The following SPRED2 variants were observed in gnomAD, a reference collection of about 807,000 sequenced individuals.
SPRED2 encodes the protein sprouty-related, EVH1 domain-containing protein 2.
A neutral mutation model predicts 43.0 loss-of-function variants in SPRED2; 47 were observed. The ratio of observed to expected loss-of-function variants is 1.09; its 90% CI spans 0.87 to 1.40. The LOEUF (loss-of-function observed/expected upper bound fraction) is 1.40, where lower values mean the gene tolerates loss of function less well. SPRED2 is among the 40% of genes most tolerant of loss of function. The pLI is 0.00. For missense variants in SPRED2, 561 were observed against 586.4 expected, an observed-to-expected ratio of 0.96 and a Z score of 0.45; for synonymous variants, 225 against 225.7, an observed-to-expected ratio of 1.00 and a Z score of 0.03.
At chr2:65,402,873 A>G (rs973519584) in intron 1 of SPRED2, among the ~76,000 whole-genome samples, 2 of 152,250 alleles carry the variant, frequency 1.3e-5, no homozygotes, top group African/African-American at 4.8e-5. Context: ...TTGCAAGACT[A>G]CAGAAGATTT....
At chr2:65,338,982 CGGCGGCCCCT>C (rs1674081264) in intron 2 of SPRED2, among the ~76,000 whole-genome samples, 1 of 144,014 alleles carries the variant, frequency 6.9e-6, no homozygotes, top group African/African-American at 2.6e-5. Flanking sequence ...CGCCTCTGCC[CGGCGGCCCCT>C]ACTGGGAAGT....
intron 4 of SPRED2, among the ~76,000 whole-genome samples, chr2:65,325,926 T>G (rs1173550313): frequency 1.3e-5 from 2 of 151,760 alleles, no homozygotes; most frequent in African/African-American, 4.8e-5. Flanking sequence ...GAGGTTACAT[T>G]GAGCTGATAT....
At chr2:65,410,741 A>G (rs1461792181) in intron 1 of SPRED2, among the ~76,000 whole-genome samples, 4 of 147,900 alleles carry the variant, frequency 2.7e-5, no homozygotes, top group Non-Finnish European at 5.9e-5. Flanking sequence ...CCTGGGTGAC[A>G]GAGCGAGACT....
chr2:65,399,542 C>A (rs1033560006), intron 1 of SPRED2, among the ~76,000 whole-genome samples: 1 of 151,798 alleles, frequency 6.6e-6, no homozygotes, highest in Non-Finnish European at 1.5e-5. Flanking sequence ...GCCACCACGC[C>A]TGGCTAATTT....
chr2:65,390,248 T>C (rs961958592), intron 1 of SPRED2, among the ~76,000 whole-genome samples: 18 of 152,196 alleles, frequency 1.2e-4, no homozygotes, highest in African/African-American at 4.3e-4. Context: ...ACCCAGTCCT[T>C]TGCCACAAGA....
At chr2:65,400,293 T>C (rs944882810) in intron 1 of SPRED2, among the ~76,000 whole-genome samples, 10 of 152,262 alleles carry the variant, frequency 6.6e-5, no homozygotes, top group African/African-American at 2.2e-4. Context: ...ATTTTCTTTC[T>C]TATAACTTTC....
In SPRED2 at chr2:65,312,978, C is replaced by A; in HGVS notation, c.*523G>T. Reference sequence around the variant, plus strand: ...ACCTCCTATACATAATAACTGACTGCAGGCTGAGATACTTCTGTCGGGTTT... The same window carrying A: ...ACCTCCTATACATAATAACTGACTGAAGGCTGAGATACTTCTGTCGGGTTT... On this transcript the variant is annotated 3_prime_UTR_variant, in exon 6 of 6. Coordinates refer to ENST00000356388, the MANE Select transcript of SPRED2 (RefSeq NM_181784.3). 1 of 985,822 alleles carries A rather than the reference C, an allele frequency of 1.0e-6. No homozygotes were observed. The highest frequency in any genetic ancestry group is 1.7e-5 in the African/African-American group (1 of 57,376). The allele number at this position is 985,822 out of a possible 1,614,324, so 61.1% of individuals were successfully genotyped here. A position where few individuals can be genotyped will look rare whatever the true frequency, so the allele number is the denominator to read the frequency against.
At chr2:65,416,715 T>A (rs1207964458) in intron 1 of SPRED2, among the ~76,000 whole-genome samples, 1 of 151,998 alleles carries the variant, frequency 6.6e-6, no homozygotes, top group African/African-American at 2.4e-5. Flanking sequence ...GATGGGGAAA[T>A]GGATCAAGCC....
At chr2:65,314,378 C>G (rs1673175440) in intron 5 of SPRED2, among the ~76,000 whole-genome samples, 1 of 152,194 alleles carries the variant, frequency 6.6e-6, no homozygotes, top group Non-Finnish European at 1.5e-5. Context: ...GAGTCTCAAT[C>G]CATTAATGGG....
chr2:65,399,287 G>GTA (rs146898580), intron 1 of SPRED2, among the ~76,000 whole-genome samples: 5,614 of 148,732 alleles, frequency 0.038, 374 homozygotes, highest in African/African-American at 0.13. Context: ...AAAAAAAGGT[G>GTA]TATATATATA....
chr2:65,401,937 G>GCGCGCACACACACACACA lies in SPRED2; in HGVS notation c.26+30024_26+30025insTGTGTGTGTGTGTGCGCG, dbSNP rs776512353. ...ACGATCAGAATATTAGCGCGCGCGC[G>GCGCGCACACACACACACA]CACACACACACACACACACACACAC... On this transcript the variant is annotated intron_variant, in intron 1 of 5. Transcript: ENST00000356388. Among the ~76,000 whole-genome samples the GCGCGCACACACACACACA allele has an allele frequency of 9.8e-3, 1,129 of 114,688 alleles. 9 individuals are homozygous for GCGCGCACACACACACACA. Among genetic ancestry groups the GCGCGCACACACACACACA allele is most frequent in the Non-Finnish European group, 0.013 (690 of 53,616 alleles). The allele number at this position is 114,688 out of a possible 152,430, so 75.2% of individuals were successfully genotyped here. A position where few individuals can be genotyped will look rare whatever the true frequency, so the allele number is the denominator to read the frequency against.
chr2:65,392,337 C>T (rs1442314024), intron 1 of SPRED2, among the ~76,000 whole-genome samples: 13 of 151,810 alleles, frequency 8.6e-5, no homozygotes, highest in Admixed American at 8.5e-4. Context: ...CATTACCATG[C>T]CTGGCTAATT....
chr2:65,430,048 A>G (rs1201035286), intron 1 of SPRED2, among the ~76,000 whole-genome samples: 2 of 152,202 alleles, frequency 1.3e-5, no homozygotes, highest in South Asian at 4.1e-4. Context: ...AAACCTCTCC[A>G]AGAATCTGCA....
At chr2:65,397,620 T>G (rs953192244) in intron 1 of SPRED2, among the ~76,000 whole-genome samples, 2 of 151,824 alleles carry the variant, frequency 1.3e-5, no homozygotes, top group African/African-American at 4.8e-5. Flanking sequence ...TTTTTTTTTT[T>G]TTTTTTGCCC....
intron 1 of SPRED2, among the ~76,000 whole-genome samples, chr2:65,376,700 T>C (rs1675246363): frequency 6.6e-6 from 1 of 152,180 alleles, no homozygotes; most frequent in Non-Finnish European, 1.5e-5. Flanking sequence ...CCTTGCTGTT[T>C]ATCTCTTCAC....
At chr2:65,337,886 T>C (rs552119275) in intron 2 of SPRED2, among the ~76,000 whole-genome samples, 3 of 152,336 alleles carry the variant, frequency 2.0e-5, no homozygotes, top group Non-Finnish European at 4.4e-5. Context: ...AAGACTTTTC[T>C]AATGAGTCAG....
intron 2 of SPRED2, among the ~76,000 whole-genome samples, chr2:65,340,709 A>T (rs1460791030): frequency 2.0e-5 from 3 of 152,226 alleles, no homozygotes. Context: ...ATGGTAGTTA[A>T]CAGCCCTCAA....
intron 1 of SPRED2, among the ~76,000 whole-genome samples, chr2:65,393,326 C>CTTTTTTTTTTTTTTTTTTTTTTTT (rs55696467): frequency 7.1e-6 from 1 of 141,692 alleles, no homozygotes; most frequent in Non-Finnish European, 1.5e-5. Context: ...AATCATAAGG[C>CTTTTTTTTTTTTTTTTTTTTTTTT]TTTTTTTTTT....
At chr2:65,327,838 C>A (rs1481718387) in intron 4 of SPRED2, among the ~76,000 whole-genome samples, 5 of 150,176 alleles carry the variant, frequency 3.3e-5, no homozygotes, top group Non-Finnish European at 5.9e-5. Context: ...ATTCTCCTGC[C>A]TCAGCCTCCG....
Sources: allele counts gnomAD v4.1 joint callset (sites outside exome capture counted in the v4.1 genomes callset), GRCh38; gene constraint gnomAD v4.1.1; transcripts MANE v1.5; gene names NCBI Gene and HGNC (gene_info 2026-07-23, HGNC 2026-07-21).